Variants in ANGPT2 observed in about 807,000 individuals in gnomAD.
ANGPT2 encodes angiopoietin-2.
A neutral mutation model predicts 62.9 loss-of-function variants in ANGPT2; 28 were observed. The ratio of observed to expected loss-of-function variants is 0.44; its 90% confidence interval spans 0.33 to 0.61. The LOEUF (loss-of-function observed/expected upper bound fraction) is 0.61. ANGPT2 is among the 20% of genes least tolerant of loss of function. The pLI, the probability that ANGPT2 is intolerant of heterozygous loss-of-function variation, is 0.03. For synonymous variants in ANGPT2, 284 were observed against 207.8 expected (o/e 1.37, Z -3.15); for missense variants, 727 against 594.9 (o/e 1.22, Z -2.31).
At chr8:6,545,277 G>C (rs922636886) in intron 1 of ANGPT2, among the ~76,000 whole-genome samples, 1 of 152,180 alleles carries the variant, frequency 6.6e-6, no homozygotes, top group Admixed American at 6.5e-5. Flanking sequence ...TTACATGAGT[G>C]AATCCATATT....
chr8:6,515,943 G>C (rs575483859), intron 5 of ANGPT2, among the ~76,000 whole-genome samples: 1 of 152,304 alleles, frequency 6.6e-6, no homozygotes, highest in Admixed American at 6.5e-5. Context: ...GGGGTGCAGA[G>C]GAAGTGCAGT....
At chr8:6,553,751 G>A (rs1197163148) in intron 1 of ANGPT2, among the ~76,000 whole-genome samples, 1 of 151,870 alleles carries the variant, frequency 6.6e-6, no homozygotes, top group Non-Finnish European at 1.5e-5. Context: ...AGGGGAAATG[G>A]CAGTTTCCCC....
At chr8:6,552,360 C>A (rs1823797675) in intron 1 of ANGPT2, among the ~76,000 whole-genome samples, 1 of 152,174 alleles carries the variant, frequency 6.6e-6, no homozygotes, top group African/African-American at 2.4e-5. Context: ...GGAGCAGTTT[C>A]CACAGAGGCA....
intron 1 of ANGPT2, among the ~76,000 whole-genome samples, chr8:6,561,921 C>T (rs557833021): frequency 1.3e-5 from 2 of 152,322 alleles, no homozygotes; most frequent in Non-Finnish European, 2.9e-5. Flanking sequence ...ACAGACCGTC[C>T]TGTCGTGGCA....
intron 7 of ANGPT2, among the ~76,000 whole-genome samples, chr8:6,509,812 A>G (rs533778379): frequency 6.6e-6 from 1 of 152,202 alleles, no homozygotes; most frequent in African/African-American, 2.4e-5. Flanking sequence ...GAACACTCAC[A>G]TTAGCCCACA....
In ANGPT2 at chr8:6,505,362, T is replaced by C. The variant is rs527634744; in HGVS notation, c.1328-2101A>G. 1.7e-3 allele frequency among the ~76,000 whole-genome samples: 88 copies of C among 50,644 alleles called. 4 individuals carry two copies. The highest frequency in any genetic ancestry group is 0.011 in the Admixed American group (52 of 4,858). The allele number at this position is 50,644 out of a possible 152,430, so 33.2% of individuals were successfully genotyped here. ...AGAATATATATATTCTTTCTATATG[T>C]ATATAGAATATATATATTCTTTCTA... On this transcript the variant is annotated intron_variant, in intron 8 of 8. Coordinates refer to ENST00000629816, the MANE Select transcript of ANGPT2 (RefSeq NM_001118887.2).
intron 1 of ANGPT2, among the ~76,000 whole-genome samples, chr8:6,538,950 A>T (rs1821003186): frequency 6.6e-6 from 1 of 152,168 alleles, no homozygotes; most frequent in Admixed American, 6.5e-5. Flanking sequence ...TCATGAGGAA[A>T]CTCTGAAACA....
chr8:6,504,041 G>T (rs530552842), intron 8 of ANGPT2, among the ~76,000 whole-genome samples: 4 of 152,324 alleles, frequency 2.6e-5, no homozygotes, highest in African/African-American at 4.8e-5. Flanking sequence ...AGCAGGGGCC[G>T]GGCGCAGTGG....
chr8:6,547,914 A>C (rs1325902236), intron 1 of ANGPT2, among the ~76,000 whole-genome samples: 4 of 147,496 alleles, frequency 2.7e-5, no homozygotes, highest in East Asian at 2.0e-4. Context: ...ACCAAAACTC[A>C]CTGTGGTTAC....
Position 6,501,968 on chromosome 8 carries a change from T to C in ANGPT2, c.*1133A>G, listed in dbSNP as rs1022972011. On this transcript the variant is annotated 3_prime_UTR_variant, in exon 9 of 9. Transcript: ENST00000629816. ...AGTTTGCTGATTGACATAAAAAAAC[T>C]TACTAGTGTCAATTATTTTTTTCCT... 6.6e-6 allele frequency: 1 copy of C among 151,968 alleles called. No individual in the cohort carries two copies. The highest frequency in any genetic ancestry group is 6.6e-5 in the Admixed American group (1 of 15,258). 9.4% of individuals were successfully genotyped at this position (151,968 alleles called of 1,614,324 possible).
At chr8:6,543,491 C>T (rs577302135) in intron 1 of ANGPT2, among the ~76,000 whole-genome samples, 29 of 152,284 alleles carry the variant, frequency 1.9e-4, no homozygotes, top group East Asian at 3.9e-4. Flanking sequence ...GGGCAATGTG[C>T]GTGGGTCGTG....
intron 2 of ANGPT2, among the ~76,000 whole-genome samples, chr8:6,530,139 G>A (rs187106957): frequency 6.6e-6 from 1 of 152,104 alleles, no homozygotes; most frequent in Admixed American, 6.5e-5. Context: ...ACCCATCAGT[G>A]TTAGTATCAA....
chr8:6,528,130 C>T (rs1313768178), intron 2 of ANGPT2, among the ~76,000 whole-genome samples: 1 of 152,144 alleles, frequency 6.6e-6, no homozygotes, highest in African/African-American at 2.4e-5. Context: ...CTCCTGACCT[C>T]AAGGGATTCA....
intron 1 of ANGPT2, among the ~76,000 whole-genome samples, chr8:6,546,857 A>G (rs1456308587): frequency 6.6e-6 from 1 of 152,234 alleles, no homozygotes; most frequent in African/African-American, 2.4e-5. Flanking sequence ...TAAGTCAAAA[A>G]GAACTAATAA....
intron 8 of ANGPT2, among the ~76,000 whole-genome samples, chr8:6,505,396 T>TAA (rs1563306810): frequency 7.2e-5 from 4 of 55,796 alleles, no homozygotes; most frequent in Admixed American, 2.1e-4. Flanking sequence ...TATATGTATA[T>TAA]AGAATATATA....
intron 6 of ANGPT2, among the ~76,000 whole-genome samples, chr8:6,514,063 T>C (rs55715804): frequency 1.3e-5 from 2 of 152,148 alleles, no homozygotes; most frequent in Admixed American, 1.3e-4. Context: ...ATTAGGATAA[T>C]GAGAACTACT....
At chr8:6,543,916 T>G (rs1320585292) in intron 1 of ANGPT2, among the ~76,000 whole-genome samples, 2 of 152,066 alleles carry the variant, frequency 1.3e-5, no homozygotes, top group South Asian at 4.1e-4. Flanking sequence ...TAACTCACAT[T>G]AGAAACACAG....
intron 7 of ANGPT2, among the ~76,000 whole-genome samples, chr8:6,510,080 G>T (rs564769598): frequency 6.6e-6 from 1 of 152,138 alleles, no homozygotes; most frequent in African/African-American, 2.4e-5. Flanking sequence ...GCAAAAATAC[G>T]GCTTACATCG....
chr8:6,522,857 T>A (rs889844063), intron 3 of ANGPT2, among the ~76,000 whole-genome samples: 2 of 152,050 alleles, frequency 1.3e-5, no homozygotes, highest in Non-Finnish European at 2.9e-5. Context: ...AGGGGCAGAA[T>A]ACAATCCCAG....
Sources: allele counts gnomAD v4.1 joint callset (sites outside exome capture counted in the v4.1 genomes callset), GRCh38; gene constraint gnomAD v4.1.1; transcripts MANE v1.5; gene names NCBI Gene and HGNC (gene_info 2026-07-23, HGNC 2026-07-21).